Variants in CSMD3 observed in about 807,000 individuals in gnomAD.
CSMD3 encodes the protein CUB and Sushi multiple domains 3, also known as CUB and sushi domain-containing protein 3.
In CSMD3, 177 loss-of-function variants were observed where a neutral mutation model predicts 435.2. The observed-to-expected ratio is 0.41, with a 90% CI of 0.36 to 0.46. CSMD3 has a LOEUF of 0.46. Ranked by LOEUF, CSMD3 falls within the 20% of genes least tolerant of loss-of-function variation. The probability of loss-of-function intolerance (pLI) is 0.34; values close to 1 mark genes in which losing one functional copy is unlikely to be tolerated. For missense variants in CSMD3, 4,265 were observed against 4,504.6 expected (o/e 0.95, Z 1.52); for synonymous variants, 1,656 against 1,520.5 (o/e 1.09, Z -2.07).
intron 40 of CSMD3, among the ~76,000 whole-genome samples, chr8:112,346,618 C>G (rs1045480878): frequency 6.7e-6 from 1 of 148,676 alleles, no homozygotes; most frequent in Non-Finnish European, 1.5e-5. Context: ...CACTTCAGCT[C>G]TAAGTACTGT....
At chr8:112,445,052 G>A (rs1815442013) in intron 32 of CSMD3, among the ~76,000 whole-genome samples, 1 of 152,046 alleles carries the variant, frequency 6.6e-6, no homozygotes, top group Non-Finnish European at 1.5e-5. Flanking sequence ...AGACCAGTCT[G>A]GGCAACATGG....
intron 30 of CSMD3, among the ~76,000 whole-genome samples, chr8:112,494,023 C>T (rs1820966008): frequency 6.6e-6 from 1 of 152,020 alleles, no homozygotes; most frequent in African/African-American, 2.4e-5. Flanking sequence ...TTGGCTACTA[C>T]AAACATATTT....
chr8:112,907,648 G>A (rs2130502468), intron 10 of CSMD3, among the ~76,000 whole-genome samples: 1 of 151,380 alleles, frequency 6.6e-6, no homozygotes, highest in Non-Finnish European at 1.5e-5. Context: ...GGCATGTTGG[G>A]AGGAAATATT....
intron 10 of CSMD3, among the ~76,000 whole-genome samples, chr8:112,914,975 T>C (rs2082533077): frequency 6.6e-6 from 1 of 151,942 alleles, no homozygotes; most frequent in African/African-American, 2.4e-5. Flanking sequence ...GGAAAGGCTA[T>C]TAAGTCATCA....
intron 40 of CSMD3, among the ~76,000 whole-genome samples, chr8:112,348,584 A>C (rs79062647): frequency 0.038 from 5,730 of 151,002 alleles, 358 homozygotes; most frequent in African/African-American, 0.13. Context: ...TATAAAATAC[A>C]AAAAAAAAGA....
At chr8:112,444,793 GT>G (rs1449156365) in intron 32 of CSMD3, among the ~76,000 whole-genome samples, 1 of 152,158 alleles carries the variant, frequency 6.6e-6, no homozygotes, top group African/African-American at 2.4e-5. Flanking sequence ...CTGAGTGATG[GT>G]TATAAGAGTG....
At chr8:112,528,777 A>G (rs1285382061) in intron 27 of CSMD3, among the ~76,000 whole-genome samples, 1 of 152,166 alleles carries the variant, frequency 6.6e-6, no homozygotes, top group Non-Finnish European at 1.5e-5. Flanking sequence ...CACCACTGGC[A>G]CAGTGACATA....
At chr8:112,810,527 T>C (rs931410776) in intron 12 of CSMD3, among the ~76,000 whole-genome samples, 6 of 152,134 alleles carry the variant, frequency 3.9e-5, no homozygotes, top group African/African-American at 1.4e-4. Flanking sequence ...AATTGACTGT[T>C]ATTATAATTA....
rs1342958039 is a variant in CSMD3 at position 112,335,405 on chromosome 8, G to A, written c.7089C>T (p.Tyr2363=). The change falls in exon 45 of 71, where the codon TAC becomes TAT. Residue 2363 remains tyrosine (Y), a synonymous_variant. Transcript: ENST00000297405. ...TGATTAGAATCTGATTTGAAGTACT[G>A]TAGACTGATTCCAAAGCGGTATTGC... ...FSGNTALESV[Y]STSNQILIKF... 5.6e-6 allele frequency: 9 copies of A among 1,613,864 alleles called. No homozygotes were observed. The highest frequency in any genetic ancestry group is 1.1e-5 in the South Asian group (1 of 91,084).
In CSMD3 at chr8:112,242,017, T is replaced by G. The variant is rs377535738; in HGVS notation, c.10403-232A>C. 1.8e-3 allele frequency among the ~76,000 whole-genome samples: 273 copies of G among 152,256 alleles called. 1 individual carries two copies. Among genetic ancestry groups the G allele is most frequent in the African/African-American group, 6.2e-3 (256 of 41,572 alleles). ...CAATAATTATTCCCATTACAGTCTA[T>G]TGGCACAAGGGGCAGATTTGTGTTG... On this transcript the variant is annotated intron_variant, in intron 65 of 70. Coordinates refer to ENST00000297405, the MANE Select transcript of CSMD3 (RefSeq NM_198123.2).
intron 4 of CSMD3, among the ~76,000 whole-genome samples, chr8:113,135,994 C>T (rs1365467603): frequency 6.6e-6 from 1 of 151,770 alleles, no homozygotes; most frequent in Non-Finnish European, 1.5e-5. Context: ...ATATATCAGG[C>T]ACTGTTAGAT....
intron 38 of CSMD3, among the ~76,000 whole-genome samples, chr8:112,363,790 T>C (rs1160446385): frequency 6.6e-6 from 1 of 152,060 alleles, no homozygotes; most frequent in East Asian, 1.9e-4. Flanking sequence ...GCAATGTGTT[T>C]ATAAAGATCA....
At chr8:112,633,652 T>G (rs1446211736) in intron 22 of CSMD3, among the ~76,000 whole-genome samples, 1 of 151,950 alleles carries the variant, frequency 6.6e-6, no homozygotes, top group Non-Finnish European at 1.5e-5. Flanking sequence ...TCATTCAACA[T>G]CCAGAATAAG....
At position 113,342,142 on chromosome 8, in the gene CSMD3, C is replaced by T. The variant is rs533177341; in HGVS notation, c.179-27349G>A. On this transcript the variant is annotated intron_variant, in intron 1 of 70. Transcript: ENST00000297405. ...AACAGTAATGAAAGAACACGTGGAC[C>T]AAATATGCCTCTTAAAAGTAGAAAT... Among the ~76,000 whole-genome samples, 67 of 151,264 alleles carry T rather than the reference C, an allele frequency of 4.4e-4. No homozygotes were observed. The South Asian group carries it at 0.014, about 31-fold the overall frequency.
chr8:113,395,769 G>A lies in CSMD3; in HGVS notation c.178+40908C>T, dbSNP rs529342271. On this transcript the variant is annotated intron_variant, in intron 1 of 70. Transcript: ENST00000297405. ...TCTAATTACAGAGCCTTCTGCCATC[G>A]TTGCTGCTCCCTGATCTTGTACCTT... is the stretch of plus-strand genomic sequence containing the variant. Among the ~76,000 whole-genome samples, 20 of 152,172 alleles carry A rather than the reference G, an allele frequency of 1.3e-4. No individual in the cohort carries two copies. In the South Asian group the frequency reaches 1.7e-3, roughly 13 times the overall value.
chr8:112,320,233 A>G (rs1324225978), intron 45 of CSMD3, among the ~76,000 whole-genome samples: 1 of 152,024 alleles, frequency 6.6e-6, no homozygotes, highest in East Asian at 1.9e-4. Flanking sequence ...ATGTGGTTCA[A>G]AACACCTTGT....
At position 112,231,557 on chromosome 8, in the gene CSMD3, G is replaced by A; in HGVS notation, c.10816C>T (p.Leu3606=). 6.2e-7 allele frequency: 1 copy of A among 1,602,328 alleles called. No individual in the cohort carries two copies. Among genetic ancestry groups the A allele is most frequent in the South Asian group, 1.1e-5 (1 of 90,838 alleles). The part of the protein sequence containing the change: ...IQGKDYGQFG[L]QRLGLNMSEG... ...ATGAATACATTACCCAGTCTTTGTAGGCCAAATTGTCCATAATCTTTGCCT... is the reference window on the plus strand; with the variant it reads ...ATGAATACATTACCCAGTCTTTGTAAGCCAAATTGTCCATAATCTTTGCCT... The change falls in exon 69 of 71, where the codon CTA becomes TTA. Residue 3606 remains leucine, a synonymous_variant. Coordinates refer to ENST00000297405, the MANE Select transcript of CSMD3 (RefSeq NM_198123.2).
chr8:112,320,874 T>C (rs1310428803), intron 45 of CSMD3, among the ~76,000 whole-genome samples: 4 of 152,130 alleles, frequency 2.6e-5, no homozygotes, highest in African/African-American at 4.8e-5. Context: ...TACTTTAATA[T>C]AATTATGAGA....
chr8:112,498,533 G>A (rs1374510646), intron 30 of CSMD3, among the ~76,000 whole-genome samples: 1 of 152,018 alleles, frequency 6.6e-6, no homozygotes, highest in East Asian at 1.9e-4. Flanking sequence ...AGCATTATAA[G>A]GTCCTGACCA....
Sources: gnomAD v4.1 joint callset for allele counts (sites outside exome capture counted in the v4.1 genomes callset) on GRCh38, gnomAD v4.1.1 for gene constraint, MANE v1.5 for transcripts, NCBI Gene and HGNC (gene_info 2026-07-23, HGNC 2026-07-21) for gene names.